NPAS3: variants seen among roughly 807,000 people sequenced by gnomAD.
NPAS3 encodes neuronal PAS domain protein 3.
A neutral mutation model predicts 73.1 loss-of-function variants in NPAS3; 14 were observed. The observed-to-expected ratio is 0.19, with a 90% confidence interval of 0.13 to 0.30. The LOEUF (loss-of-function observed/expected upper bound fraction) is 0.30. Ranked by LOEUF, NPAS3 falls within the 10% of genes least tolerant of loss-of-function variation. The probability of loss-of-function intolerance (pLI) is 1.00; values close to 1 mark genes in which losing one functional copy is unlikely to be tolerated. For missense variants in NPAS3, 1,096 were observed against 1,250.0 expected (o/e 0.88, Z 1.86); for synonymous variants, 620 against 541.5 (o/e 1.14, Z -2.01).
chr14:33,505,416 C>T (rs933404433), intron 4 of NPAS3, among the ~76,000 whole-genome samples: 10 of 151,928 alleles, frequency 6.6e-5, no homozygotes, highest in African/African-American at 2.4e-4. Context: ...AGACATGTTC[C>T]TTCGAAAGTT....
intron 1 of NPAS3, among the ~76,000 whole-genome samples, chr14:33,016,970 A>T (rs1310927320): frequency 6.6e-6 from 1 of 152,212 alleles, no homozygotes; most frequent in African/African-American, 2.4e-5. Context: ...TCTGTGAATG[A>T]TAATGGTTTT....
At chr14:33,342,366 C>T (rs1223881952) in intron 3 of NPAS3, among the ~76,000 whole-genome samples, 2 of 152,198 alleles carry the variant, frequency 1.3e-5, no homozygotes, top group African/African-American at 2.4e-5. Flanking sequence ...GCCCATACAT[C>T]GGTGGCCACA....
chr14:33,680,115 T>C (rs1480917667), intron 6 of NPAS3, among the ~76,000 whole-genome samples: 1 of 152,174 alleles, frequency 6.6e-6, no homozygotes, highest in Non-Finnish European at 1.5e-5. Flanking sequence ...GGTTTTCTTT[T>C]TGCAGATCTA....
At chr14:33,688,948 C>T (rs1160626890) in intron 6 of NPAS3, among the ~76,000 whole-genome samples, 5 of 152,214 alleles carry the variant, frequency 3.3e-5, no homozygotes, top group Admixed American at 6.5e-5. Context: ...TTAAATTGCA[C>T]TGCCTATATT....
chr14:33,455,790 C>T (rs1177925494), intron 4 of NPAS3, among the ~76,000 whole-genome samples: 1 of 152,174 alleles, frequency 6.6e-6, no homozygotes, highest in African/African-American at 2.4e-5. Context: ...CGAGTGGCTC[C>T]TCTAAGAGTC....
In NPAS3 at chr14:33,341,392, A is replaced by T. The variant is rs141285245; in HGVS notation, c.386-25794A>T. Among the ~76,000 whole-genome samples the T allele has an allele frequency of 6.9e-3, 1,046 of 152,338 alleles. 11 individuals carry two copies. The highest frequency in any genetic ancestry group is 9.2e-3 in the Non-Finnish European group (628 of 68,032). On this transcript the variant is annotated intron_variant, in intron 3 of 11. Coordinates refer to ENST00000356141, the Ensembl canonical transcript of NPAS3. Reference sequence around the variant, plus strand: ...TTTCTTTTTTGTTCTGTAAGAACAGAAATAGAAAGCTTAAAGTCCTGGACA... The same window carrying T: ...TTTCTTTTTTGTTCTGTAAGAACAGTAATAGAAAGCTTAAAGTCCTGGACA...
intron 2 of NPAS3, among the ~76,000 whole-genome samples, chr14:33,092,936 A>T (rs1393135856): frequency 6.6e-6 from 1 of 152,214 alleles, no homozygotes; most frequent in African/African-American, 2.4e-5. Context: ...CTGAAACTGG[A>T]TCCCTTCCTT....
rs5807738 is a variant in NPAS3 at position 33,670,615 on chromosome 14, A to ACCC, written c.559-5591_559-5589dup. 1.0e-4 allele frequency among the ~76,000 whole-genome samples: 15 copies of ACCC among 143,800 alleles called. No homozygotes were observed. In the East Asian group the frequency reaches 1.6e-3, roughly 16 times the overall value. 94.3% of individuals were successfully genotyped at this position (143,800 alleles called of 152,430 possible). A position where few individuals can be genotyped will look rare whatever the true frequency, so the allele number is the denominator to read the frequency against. On this transcript the variant is annotated intron_variant, in intron 5 of 11. Coordinates refer to ENST00000356141, the Ensembl canonical transcript of NPAS3. Reference sequence around the variant, plus strand: ...ATTATCCTTCAATAATATAAATGTGACCCCCCCTCAAAAAAAAAAAAAACT... The same window carrying ACCC: ...ATTATCCTTCAATAATATAAATGTGACCCCCCCCCCTCAAAAAAAAAAAAAACT...
At chr14:32,949,090 A>G (rs995775726) in intron 1 of NPAS3, among the ~76,000 whole-genome samples, 1 of 152,130 alleles carries the variant, frequency 6.6e-6, no homozygotes, top group Non-Finnish European at 1.5e-5. Context: ...TAACAGTTCT[A>G]GAATGGCTTT....
intron 3 of NPAS3, among the ~76,000 whole-genome samples, chr14:33,326,172 A>G (rs1382618024): frequency 6.6e-6 from 1 of 152,190 alleles, no homozygotes; most frequent in Non-Finnish European, 1.5e-5. Flanking sequence ...GTGAGAAACA[A>G]TGAGCCGCAG....
intron 2 of NPAS3, among the ~76,000 whole-genome samples, chr14:33,144,464 A>C (rs1051336724): frequency 9.2e-5 from 14 of 152,238 alleles, no homozygotes; most frequent in African/African-American, 3.1e-4. Context: ...TCAACATTTC[A>C]ATCTTTCAGT....
chr14:33,093,181 C>A (rs1039401950), intron 2 of NPAS3, among the ~76,000 whole-genome samples: 7 of 152,164 alleles, frequency 4.6e-5, no homozygotes, highest in Non-Finnish European at 8.8e-5. Flanking sequence ...CGTGAACAGG[C>A]AACCTACAGA....
chr14:33,392,098 T>C (rs542263778), intron 4 of NPAS3, among the ~76,000 whole-genome samples: 1 of 152,282 alleles, frequency 6.6e-6, no homozygotes, highest in South Asian at 2.1e-4. Context: ...AAAAGTTAGT[T>C]TGACTAATAA....
At chr14:33,153,910 A>G (rs544827881) in intron 2 of NPAS3, among the ~76,000 whole-genome samples, 2 of 152,230 alleles carry the variant, frequency 1.3e-5, no homozygotes, top group South Asian at 4.1e-4. Context: ...AAAAAGTTTC[A>G]TGGCTGATAT....
intron 5 of NPAS3, among the ~76,000 whole-genome samples, chr14:33,640,460 C>A (rs535985413): frequency 3.1e-4 from 47 of 151,502 alleles, no homozygotes; most frequent in African/African-American, 1.1e-3. Flanking sequence ...AAGAGTATCT[C>A]AAAAAAAAGT....
At chr14:33,673,637 G>A (rs2059673286) in intron 5 of NPAS3, among the ~76,000 whole-genome samples, 2 of 152,220 alleles carry the variant, frequency 1.3e-5, no homozygotes, top group South Asian at 4.1e-4. Context: ...ATTAGGCTGA[G>A]AGGCAGGAAG....
At chr14:33,718,931 G>C (rs1031150804) in intron 6 of NPAS3, among the ~76,000 whole-genome samples, 5 of 152,012 alleles carry the variant, frequency 3.3e-5, no homozygotes, top group Non-Finnish European at 5.9e-5. Flanking sequence ...TTCAAGACCA[G>C]CCCTGGGTAA....
intron 5 of NPAS3, among the ~76,000 whole-genome samples, chr14:33,668,813 T>C (rs1053035519): frequency 1.3e-5 from 2 of 152,188 alleles, no homozygotes; most frequent in African/African-American, 4.8e-5. Context: ...GGCGAGACCC[T>C]GTCTCAAAAT....
intron 1 of NPAS3, among the ~76,000 whole-genome samples, chr14:33,014,089 A>G (rs2039308622): frequency 6.6e-6 from 1 of 152,196 alleles, no homozygotes; most frequent in Admixed American, 6.5e-5. Context: ...CTTACTTCCC[A>G]TAAGGTATTA....
Sources: gnomAD v4.1 joint callset for allele counts (sites outside exome capture counted in the v4.1 genomes callset) on GRCh38, gnomAD v4.1.1 for gene constraint, MANE v1.5 for transcripts, NCBI Gene and HGNC (gene_info 2026-07-23, HGNC 2026-07-21) for gene names.